The following TRAF3IP1 variants were observed in gnomAD, a reference collection of about 807,000 sequenced individuals.
The protein encoded by TRAF3IP1 is TRAF3-interacting protein 1.
TRAF3IP1 carries 53 observed loss-of-function variants against 89.9 expected under a neutral mutation model. The ratio of observed to expected loss-of-function variants is 0.59; its 90% CI spans 0.47 to 0.74. The LOEUF (loss-of-function observed/expected upper bound fraction) is 0.74. TRAF3IP1 is among the 30% of genes least tolerant of loss of function. The probability of loss-of-function intolerance (pLI) is 0.00; values close to 1 mark genes in which losing one functional copy is unlikely to be tolerated. For missense variants in TRAF3IP1, 806 were observed against 866.1 expected (o/e 0.93, Z 0.87); for synonymous variants, 311 against 322.1 (o/e 0.97, Z 0.37).
At chr2:238,334,128 A>C in intron 7 of TRAF3IP1, 93 bp downstream of exon 7, 1 of 951,134 alleles carries the variant, frequency 1.1e-6, no homozygotes, top group Non-Finnish European at 1.6e-6. Flanking sequence ...AAGAACTCCT[A>C]TGGCTGGAAA....
At chr2:238,358,776 C>G (rs890348009) in intron 15 of TRAF3IP1, among the ~76,000 whole-genome samples, 2 of 152,152 alleles carry the variant, frequency 1.3e-5, no homozygotes, top group African/African-American at 2.4e-5. Context: ...TTAATTGAAG[C>G]CTTATAGTCC....
chr2:238,382,426 A>G (rs1334334164), intron 15 of TRAF3IP1, among the ~76,000 whole-genome samples: 1 of 152,236 alleles, frequency 6.6e-6, no homozygotes, highest in Non-Finnish European at 1.5e-5. Context: ...GCAACATTAA[A>G]TGTTGAAAGA....
intron 15 of TRAF3IP1, among the ~76,000 whole-genome samples, chr2:238,370,324 G>A (rs575498892): frequency 6.2e-4 from 95 of 152,134 alleles, no homozygotes; most frequent in Non-Finnish European, 1.1e-3. Flanking sequence ...TATTGTGCAT[G>A]TCTGTGTATG....
intron 1 of TRAF3IP1, among the ~76,000 whole-genome samples, chr2:238,324,067 C>A (rs767364207): frequency 2.0e-5 from 3 of 152,082 alleles, no homozygotes; most frequent in Non-Finnish European, 4.4e-5. Flanking sequence ...AATTCCTTTT[C>A]TTTTCTTTCT....
rs191968733 is a variant in TRAF3IP1 at position 238,347,701 on chromosome 2, C to T, written c.1282+226C>T. 3.8e-3 allele frequency among the ~76,000 whole-genome samples: 580 copies of T among 152,170 alleles called. 7 individuals are homozygous for T. Among genetic ancestry groups the T allele is most frequent in the African/African-American group, 0.013 (560 of 41,508 alleles). ...GGAGTGCAATGGCATGATCTCGGTT[C>T]ACCGCAACCTCTGCCTCCCGGGTTC... On this transcript the variant is annotated intron_variant, in intron 10 of 16. Coordinates refer to ENST00000373327, the MANE Select transcript of TRAF3IP1 (RefSeq NM_015650.4).
intron 8 of TRAF3IP1, among the ~76,000 whole-genome samples, chr2:238,339,738 G>A (rs2106379018): frequency 6.6e-6 from 1 of 152,360 alleles, no homozygotes; most frequent in African/African-American, 2.4e-5. Context: ...CTTGCCCCAG[G>A]CACGCCGCGG....
intron 12 of TRAF3IP1, among the ~76,000 whole-genome samples, chr2:238,352,607 G>C (rs1699223691): frequency 6.6e-6 from 1 of 152,060 alleles, no homozygotes. Flanking sequence ...AGCTGGGTGG[G>C]GGTGGAGGGC....
chr2:238,399,058 C>G lies in TRAF3IP1; in HGVS notation c.*139C>G. ...GTTATTATCCAGCTAATTTTCAGAG[C>G]TTTAAAACTGTAAGCATGTTAAGTG... On this transcript the variant is annotated 3_prime_UTR_variant, in exon 17 of 17. Transcript: ENST00000373327. 1.3e-6 allele frequency: 1 copy of G among 756,632 alleles called. No homozygotes were observed. The highest frequency in any genetic ancestry group is 2.0e-6 in the Non-Finnish European group (1 of 494,716). The allele number at this position is 756,632 out of a possible 1,614,324, so 46.9% of individuals were successfully genotyped here. A position where few individuals can be genotyped will look rare whatever the true frequency, so the allele number is the denominator to read the frequency against.
At chr2:238,384,521 T>A (rs1465713019) in intron 15 of TRAF3IP1, among the ~76,000 whole-genome samples, 1 of 150,538 alleles carries the variant, frequency 6.6e-6, no homozygotes, top group Non-Finnish European at 1.5e-5. Flanking sequence ...TACAGATGCA[T>A]GCCACCCCGC....
intron 15 of TRAF3IP1, among the ~76,000 whole-genome samples, chr2:238,370,080 T>A (rs1178860794): frequency 6.6e-6 from 1 of 152,184 alleles, no homozygotes; most frequent in Non-Finnish European, 1.5e-5. Flanking sequence ...GATTGGAGAA[T>A]GGAGTGTTTG....
chr2:238,346,664 G>A (rs984037497), intron 9 of TRAF3IP1, among the ~76,000 whole-genome samples: 1 of 152,228 alleles, frequency 6.6e-6, no homozygotes, highest in Non-Finnish European at 1.5e-5. Flanking sequence ...GAGGCTGCAT[G>A]AACTGTTCCT....
At chr2:238,340,833 G>GTGTGTGTA (rs376836335) in intron 8 of TRAF3IP1, among the ~76,000 whole-genome samples, 1 of 70,894 alleles carries the variant, frequency 1.4e-5, no homozygotes, top group Non-Finnish European at 3.5e-5. Context: ...GTGTGTGTGT[G>GTGTGTGTA]TATATATATA....
intron 8 of TRAF3IP1, among the ~76,000 whole-genome samples, chr2:238,340,674 C>T (rs1041951677): frequency 6.6e-6 from 1 of 152,078 alleles, no homozygotes; most frequent in African/African-American, 2.4e-5. Flanking sequence ...TCCCTCATTT[C>T]ATTTTTGCTT....
At chr2:238,386,959 A>G (rs1009966765) in intron 15 of TRAF3IP1, among the ~76,000 whole-genome samples, 1 of 152,234 alleles carries the variant, frequency 6.6e-6, no homozygotes, top group African/African-American at 2.4e-5. Context: ...ATAGAAATTT[A>G]CCATTAATAA....
At chr2:238,332,020 T>G (rs1045161850) in intron 5 of TRAF3IP1, among the ~76,000 whole-genome samples, 5 of 152,338 alleles carry the variant, frequency 3.3e-5, no homozygotes, top group Non-Finnish European at 7.3e-5. Flanking sequence ...GGCCAGGTGC[T>G]AAGTTAGACT....
intron 15 of TRAF3IP1, among the ~76,000 whole-genome samples, chr2:238,360,620 A>C (rs1040704726): frequency 7.2e-5 from 11 of 152,190 alleles, no homozygotes; most frequent in Non-Finnish European, 1.3e-4. Context: ...GTGGTGGCTC[A>C]CACCTGTAAT....
chr2:238,323,816 T>C (rs1055116770), intron 1 of TRAF3IP1, among the ~76,000 whole-genome samples: 1 of 152,126 alleles, frequency 6.6e-6, no homozygotes, highest in Admixed American at 6.5e-5. Flanking sequence ...AAAACTGCAG[T>C]CTGAGACAAC....
At chr2:238,334,077 AG>A in intron 7 of TRAF3IP1, 42 bp downstream of exon 7, 5 of 1,030,876 alleles carry the variant, frequency 4.9e-6, no homozygotes, top group African/African-American at 3.2e-5. Context: ...TATGGATATT[AG>A]TTTTTTTTTT....
At chr2:238,389,614 A>C (rs1198119991) in intron 15 of TRAF3IP1, among the ~76,000 whole-genome samples, 1 of 151,000 alleles carries the variant, frequency 6.6e-6, no homozygotes, top group Non-Finnish European at 1.5e-5. Context: ...CAGATGTGGT[A>C]GCAGGCACCT....
Sources: allele counts gnomAD v4.1 joint callset (sites outside exome capture counted in the v4.1 genomes callset), GRCh38; gene constraint gnomAD v4.1.1; transcripts MANE v1.5; gene names NCBI Gene and HGNC (gene_info 2026-07-23, HGNC 2026-07-21).